MAP2: variants seen among roughly 807,000 people sequenced by gnomAD.
MAP2 encodes microtubule associated protein 2.
A neutral mutation model predicts 137.6 loss-of-function variants in MAP2; 14 were observed. The observed-to-expected ratio is 0.10, with a 90% CI of 0.07 to 0.16. The LOEUF is 0.16. Among genes scored for constraint, MAP2 ranks in the 10% least tolerant of loss-of-function variants. The pLI, the probability that MAP2 is intolerant of heterozygous loss-of-function variation, is 1.00. For missense variants in MAP2, 2,088 were observed against 2,191.5 expected (o/e 0.95, Z 0.94); for synonymous variants, 786 against 782.3 (o/e 1.00, Z -0.08).
chr2:209,617,336 A>G (rs1039236527), intron 3 of MAP2, among the ~76,000 whole-genome samples: 1 of 152,162 alleles, frequency 6.6e-6, no homozygotes, highest in Non-Finnish European at 1.5e-5. Flanking sequence ...AAAATTACCA[A>G]GAGGCATCAA....
intron 3 of MAP2, among the ~76,000 whole-genome samples, chr2:209,603,248 A>C (rs1360275513): frequency 6.6e-6 from 1 of 152,142 alleles, no homozygotes; most frequent in Non-Finnish European, 1.5e-5. Context: ...TACACTGTGG[A>C]ATCTAAAAAA....
chr2:209,466,746 T>C (rs962998579), intron 1 of MAP2, among the ~76,000 whole-genome samples: 2 of 152,152 alleles, frequency 1.3e-5, no homozygotes, highest in Non-Finnish European at 2.9e-5. Flanking sequence ...GTTTCATAAA[T>C]AGAAGAATTG....
At chr2:209,522,436 A>G (rs1463212545) in intron 2 of MAP2, among the ~76,000 whole-genome samples, 2 of 152,198 alleles carry the variant, frequency 1.3e-5, no homozygotes, top group Non-Finnish European at 2.9e-5. Flanking sequence ...GTAGTTGACA[A>G]GTCATAAACC....
intron 1 of MAP2, among the ~76,000 whole-genome samples, chr2:209,484,658 C>G (rs2058149886): frequency 6.6e-6 from 1 of 152,204 alleles, no homozygotes. Flanking sequence ...CCACTGCAGT[C>G]TAACGTGGGC....
intron 1 of MAP2, among the ~76,000 whole-genome samples, chr2:209,456,601 A>G (rs1342543687): frequency 2.0e-5 from 3 of 152,216 alleles, no homozygotes; most frequent in South Asian, 4.1e-4. Flanking sequence ...AAAAGAGCCA[A>G]TGACAAACTA....
chr2:209,527,319 C>T (rs185252896), intron 2 of MAP2, among the ~76,000 whole-genome samples: 3 of 152,178 alleles, frequency 2.0e-5, no homozygotes, highest in African/African-American at 7.2e-5. Flanking sequence ...CTAGAATGTT[C>T]ATAGAGCAGG....
chr2:209,623,028 C>T, intron 3 of MAP2, among the ~76,000 whole-genome samples: 1 of 152,108 alleles, frequency 6.6e-6, no homozygotes. Flanking sequence ...TATGTAACTA[C>T]TGAGTTAATT....
At chr2:209,654,383 G>A (rs751821477) in intron 5 of MAP2, among the ~76,000 whole-genome samples, 5 of 152,224 alleles carry the variant, frequency 3.3e-5, no homozygotes, top group African/African-American at 7.2e-5. Flanking sequence ...CCTGATTCCA[G>A]GGTTTGAGAT....
At chr2:209,629,371 A>G (rs2092741447) in intron 4 of MAP2, among the ~76,000 whole-genome samples, 1 of 152,132 alleles carries the variant, frequency 6.6e-6, no homozygotes, top group Non-Finnish European at 1.5e-5. Context: ...TTTTTATAAT[A>G]TTCCTAGGAG....
rs150884835 is a variant in MAP2 at position 209,487,795 on chromosome 2, A to G, written c.-221-19797A>G. ...GCATTTTAACCTTCAAATAACTCAT[A>G]CTTCTTATTGCTGTTTTTATCATAA... On this transcript the variant is annotated intron_variant, in intron 1 of 15. Coordinates refer to ENST00000682079, the MANE Select transcript of MAP2 (RefSeq NM_001375505.1). Among the ~76,000 whole-genome samples, 526 of 152,270 alleles carry G rather than the reference A, an allele frequency of 3.5e-3. 5 individuals are homozygous for G. Among genetic ancestry groups the G allele is most frequent in the African/African-American group, 0.012 (496 of 41,556 alleles).
intron 1 of MAP2, among the ~76,000 whole-genome samples, chr2:209,488,403 A>G (rs1222243845): frequency 6.6e-6 from 1 of 150,822 alleles, no homozygotes; most frequent in Non-Finnish European, 1.5e-5. Context: ...TTTTTTTCAT[A>G]CCCCAGTGGC....
At chr2:209,616,259 A>C (rs567011847) in intron 3 of MAP2, among the ~76,000 whole-genome samples, 54 of 152,328 alleles carry the variant, frequency 3.5e-4, no homozygotes, top group African/African-American at 1.3e-3. Flanking sequence ...CCCAGCTTGC[A>C]AAGTGATCAA....
intron 5 of MAP2, among the ~76,000 whole-genome samples, chr2:209,671,621 G>A (rs910255982): frequency 7.2e-5 from 11 of 151,746 alleles, no homozygotes; most frequent in African/African-American, 1.9e-4. Context: ...CTTATTTGTC[G>A]TTTTCTTTGA....
intron 7 of MAP2, among the ~76,000 whole-genome samples, chr2:209,686,404 G>A (rs1453777152): frequency 6.6e-6 from 1 of 152,082 alleles, no homozygotes; most frequent in African/African-American, 2.4e-5. Flanking sequence ...CCAAAAATAA[G>A]TTACTGTCCT....
chr2:209,645,847 A>C (rs1036330442), intron 4 of MAP2, among the ~76,000 whole-genome samples: 2 of 152,236 alleles, frequency 1.3e-5, no homozygotes, highest in African/African-American at 4.8e-5. Flanking sequence ...GGAATAAAAG[A>C]AAATAAGGGA....
At chr2:209,650,661 G>A (rs2094728033) in intron 4 of MAP2, among the ~76,000 whole-genome samples, 1 of 152,056 alleles carries the variant, frequency 6.6e-6, no homozygotes, top group Non-Finnish European at 1.5e-5. Flanking sequence ...AATAAACTAT[G>A]GACTGTAGTT....
rs555467415 is a variant in MAP2, at chr2:209,726,350, C to A, written c.5155+560C>A. Among the ~76,000 whole-genome samples the A allele has an allele frequency of 3.2e-4, 48 of 152,252 alleles. No individual in the cohort carries two copies. The South Asian group carries it at 9.9e-3, about 32-fold the overall frequency. ...TTCAAAATATCTCATACGACTAGTG[C>A]CCTAAAGTAGAATTTATATTCATAG... On this transcript the variant is annotated intron_variant, in intron 14 of 15. Coordinates refer to ENST00000682079, the MANE Select transcript of MAP2 (RefSeq NM_001375505.1).
chr2:209,437,387 C>T (rs1159601996), intron 1 of MAP2, among the ~76,000 whole-genome samples: 1 of 151,634 alleles, frequency 6.6e-6, no homozygotes, highest in Non-Finnish European at 1.5e-5. Context: ...CTGTCTCTCT[C>T]CAGAATGCCA....
chr2:209,704,119 C>T, intron 11 of MAP2: 2 of 449,804 alleles, frequency 4.4e-6, no homozygotes, highest in South Asian at 1.6e-5. Flanking sequence ...TTCAATCCTT[C>T]CCCCACTTTT....
Sources: allele counts gnomAD v4.1 joint callset (sites outside exome capture counted in the v4.1 genomes callset), GRCh38; gene constraint gnomAD v4.1.1; transcripts MANE v1.5; gene names NCBI Gene and HGNC (gene_info 2026-07-23, HGNC 2026-07-21).